The following TRNT1 variants were observed in gnomAD, a reference collection of about 807,000 sequenced individuals.
TRNT1 encodes CCA tRNA nucleotidyltransferase 1, mitochondrial.
Under a neutral mutation model 45.6 loss-of-function variants are expected in TRNT1, and 44 were observed. That is an observed-to-expected ratio of 0.97 (90% CI 0.76 to 1.24). The LOEUF is 1.24. Among genes scored for constraint, TRNT1 ranks in the 50% most tolerant of loss-of-function variants. TRNT1 has a pLI of 0.00. For synonymous variants in TRNT1, 201 were observed against 171.4 expected, an observed-to-expected ratio of 1.17 and a Z score of -1.35; for missense variants, 633 against 504.4, an observed-to-expected ratio of 1.25 and a Z score of -2.44.
At chr3:3,152,782 C>G (rs891167970), downstream of TRNT1, among the ~76,000 whole-genome samples, 13 of 151,924 alleles carry the variant, frequency 8.6e-5, no homozygotes, top group Non-Finnish European at 1.8e-4. Flanking sequence ...CCTGTTTTGT[C>G]TAAATGTCTA....
chr3:3,130,126 C>T (rs982582618), intron 2 of TRNT1: 5 of 671,794 alleles, frequency 7.4e-6, no homozygotes, highest in Non-Finnish European at 1.2e-5. Flanking sequence ...CATTACAAAG[C>T]CTGTGGGAAT....
At position 3,132,744 on chromosome 3, in the gene TRNT1, AC is replaced by A. The variant is rs760205626; in HGVS notation, c.148+3557del. On this transcript the variant is annotated intron_variant, in intron 2 of 7. Transcript: ENST00000251607. Reference sequence around the variant, plus strand: ...TACCTATTGAAGGAAAAAAAAAAAAACACAAAAAAAAAACACTGGATTTTCT... The same window carrying A: ...TACCTATTGAAGGAAAAAAAAAAAAAACAAAAAAAAAACACTGGATTTTCT... Among the ~76,000 whole-genome samples the A allele has an allele frequency of 2.7e-3, 331 of 124,140 alleles. 6 individuals carry two copies. The highest frequency in any genetic ancestry group is 0.012 in the Middle Eastern group (3 of 252). The allele number at this position is 124,140 out of a possible 152,430, so 81.4% of individuals were successfully genotyped here. A position where few individuals can be genotyped will look rare whatever the true frequency, so the allele number is the denominator to read the frequency against.
intron 3 of TRNT1, among the ~76,000 whole-genome samples, chr3:3,139,178 A>C (rs6767772): frequency 0.013 from 1,925 of 152,184 alleles, 49 homozygotes; most frequent in African/African-American, 0.044. Context: ...ACCTTTCTAG[A>C]GAATCAGTCC....
In TRNT1 at chr3:3,128,947, C is replaced by G. The variant is rs186544049; in HGVS notation, c.-27-67C>G. The G allele has an allele frequency of 5.3e-3, 6,129 of 1,165,454 alleles. 95 individuals are homozygous for G. Among genetic ancestry groups the G allele is most frequent in the Non-Finnish European group, 3.3e-3 (2,711 of 830,876 alleles). The allele number at this position is 1,165,454 out of a possible 1,614,324, so 72.2% of individuals were successfully genotyped here. On this transcript the variant is annotated intron_variant, in intron 1 of 7. Transcript: ENST00000251607. The stretch of plus-strand genomic sequence containing the variant: ...GAGTTGATAAACTTGAAATGTGTCC[C>G]CCTTTGTTTTCCTTCACTTACCTTC...
intron 4 of TRNT1, 104 bp from the exon 5 acceptor site, chr3:3,144,480 C>A: frequency 8.8e-7 from 1 of 1,130,724 alleles, no homozygotes; most frequent in Non-Finnish European, 1.3e-6. Flanking sequence ...ACTGTTCACT[C>A]TGCTGAATTT....
Position 3,128,994 on chromosome 3 carries a change from C to G in TRNT1, c.-27-20C>G, listed in dbSNP as rs146036551. The stretch of plus-strand genomic sequence containing the variant: ...CTTCACTTTTAATTTCATTGGTATG[C>G]CTGTGTATTTGCCTTGTAGATGTGT... On this transcript the variant is annotated intron_variant, in intron 1 of 7. Coordinates refer to ENST00000251607, the MANE Select transcript of TRNT1 (RefSeq NM_182916.3). The G allele has an allele frequency of 5.6e-4, 859 of 1,526,844 alleles. 4 individuals are homozygous for G. In the African/African-American group the frequency reaches 0.01, roughly 19 times the overall value. 94.6% of individuals were successfully genotyped at this position (1,526,844 alleles called of 1,614,324 possible).
chr3:3,149,870 A>AAAAC (rs1706369345), downstream of TRNT1: 1 of 152,136 alleles, frequency 6.6e-6, no homozygotes, highest in Admixed American at 6.5e-5. Context: ...GACTACCAAT[A>AAAAC]AAACGAAAGT....
At chr3:3,153,048 T>G (rs1706694456), downstream of TRNT1, 1 of 300,580 alleles carries the variant, frequency 3.3e-6, no homozygotes, top group Admixed American at 4.9e-5. Context: ...CATCAGTATG[T>G]GTTCAGAAGC....
rs749229642 is a variant in TRNT1 at position 3,148,074 on chromosome 3, C to A, written c.1225C>A (p.Gln409Lys). The change falls in exon 8 of 8, where the codon CAA becomes AAA. Residue 409 changes from glutamine (Q) to lysine (K), a missense_variant. Gln to Lys is a moderately conservative substitution (Grantham distance 53). Transcript: ENST00000251607. The part of the protein sequence containing the change: ...SSGKEIGALL[Q>K]QLREQWKKSG... ...AGGAAAAGAAATTGGGGCTCTATTA[C>A]AACAGTTGCGAGAACAGTGGAAAAA... is the stretch of plus-strand genomic sequence containing the variant. 2 of 1,613,754 alleles carry A rather than the reference C, an allele frequency of 1.2e-6. No homozygotes were observed. Among genetic ancestry groups the A allele is most frequent in the South Asian group, 1.1e-5 (1 of 91,072 alleles).
intron 1 of TRNT1, chr3:3,127,225 C>G (rs1015557835): frequency 6.6e-6 from 1 of 152,290 alleles, no homozygotes; most frequent in African/African-American, 2.4e-5. Context: ...AGCACTTTCC[C>G]CTCCGCGCGG....
intron 2 of TRNT1, among the ~76,000 whole-genome samples, chr3:3,135,114 C>G (rs1196091904): frequency 2.6e-5 from 4 of 152,106 alleles, no homozygotes; most frequent in African/African-American, 7.2e-5. Context: ...TGTAGACATA[C>G]AAATTTTGGT....
chr3:3,141,451 T>G (rs1705648521), intron 4 of TRNT1, among the ~76,000 whole-genome samples: 2 of 152,322 alleles, frequency 1.3e-5, no homozygotes, highest in South Asian at 4.1e-4. Context: ...ACTTCAGCAC[T>G]TTTTACTGCT....
intron 4 of TRNT1, 107 bp from the exon 5 acceptor site, chr3:3,144,477 A>G (rs1705854165): frequency 9.2e-7 from 1 of 1,085,872 alleles, no homozygotes; most frequent in Non-Finnish European, 1.3e-6. Context: ...ATAACTGTTC[A>G]CTCTGCTGAA....
rs746673623 is a variant in TRNT1 at position 3,148,006 on chromosome 3, T to G, written c.1157T>G (p.Phe386Cys). ...KEMQQWSIPP[F>C]PVSGHDIRKV... ...ATGCAGCAGTGGTCCATTCCTCCAT[T>G]TCCTGTAAGTGGCCATGACATCAGA... The change falls in exon 8 of 8, where the codon TTT becomes TGT. Residue 386 changes from phenylalanine to cysteine, a missense_variant. By Grantham distance (205) the Phe-to-Cys change is radical (BLOSUM62 -2). Transcript: ENST00000251607. 1 of 1,613,972 alleles carries G rather than the reference T, an allele frequency of 6.2e-7. No individual in the cohort carries two copies. Among genetic ancestry groups the G allele is most frequent in the Admixed American group, 1.7e-5 (1 of 60,004 alleles).
Position 3,148,190 on chromosome 3 carries a change from A to G in TRNT1, c.*36A>G, listed in dbSNP as rs760280702. On this transcript the variant is annotated 3_prime_UTR_variant, in exon 8 of 8. Transcript: ENST00000251607. ...TACTAAAAAGCAGAGCATTTCTGGT[A>G]AGACTAAATTTTCTCCCCTCCCTCT... 5.0e-6 allele frequency: 8 copies of G among 1,597,700 alleles called. No homozygotes were observed. Among genetic ancestry groups the G allele is most frequent in the Non-Finnish European group, 6.8e-6 (8 of 1,173,358 alleles).
At chr3:3,132,714 A>AAAAAC (rs1705082424) in intron 2 of TRNT1, among the ~76,000 whole-genome samples, 7 of 141,728 alleles carry the variant, frequency 4.9e-5, no homozygotes, top group African/African-American at 1.1e-4. Flanking sequence ...ATAAAAAAAA[A>AAAAAC]CATATACCTA....
At chr3:3,135,177 C>T (rs989014020) in intron 2 of TRNT1, among the ~76,000 whole-genome samples, 40 of 152,076 alleles carry the variant, frequency 2.6e-4, no homozygotes, top group Non-Finnish European at 2.6e-4. Context: ...GTGTGACAGC[C>T]AGCCACTGAG....
At chr3:3,141,696 G>A (rs1038350344) in intron 4 of TRNT1, among the ~76,000 whole-genome samples, 2 of 152,070 alleles carry the variant, frequency 1.3e-5, no homozygotes, top group Non-Finnish European at 2.9e-5. Flanking sequence ...TAAGATTTTG[G>A]ATTAAAAAAG....
Position 3,148,212 on chromosome 3 carries a change from C to A in TRNT1, c.*58C>A. 1 of 1,574,310 alleles carries A rather than the reference C, an allele frequency of 6.4e-7. No individual in the cohort carries two copies. On this transcript the variant is annotated 3_prime_UTR_variant, in exon 8 of 8. Coordinates refer to ENST00000251607, the MANE Select transcript of TRNT1 (RefSeq NM_182916.3). Reference sequence around the variant, plus strand: ...GGTAAGACTAAATTTTCTCCCCTCCCTCTTAATGAGGTTTTAGAGACTACA... The same window carrying A: ...GGTAAGACTAAATTTTCTCCCCTCCATCTTAATGAGGTTTTAGAGACTACA...
Sources: gnomAD v4.1 joint callset for allele counts (sites outside exome capture counted in the v4.1 genomes callset) on GRCh38, gnomAD v4.1.1 for gene constraint, MANE v1.5 for transcripts, NCBI Gene and HGNC (gene_info 2026-07-23, HGNC 2026-07-21) for gene names.